The following CFAP92 variants were observed in gnomAD, a reference collection of about 807,000 sequenced individuals.
CFAP92 encodes the protein uncharacterized protein CFAP92.
Under a neutral mutation model 106.3 loss-of-function variants are expected in CFAP92, and 86 were observed. That is an observed-to-expected ratio of 0.81 (90% CI 0.68 to 0.97). The LOEUF (loss-of-function observed/expected upper bound fraction) is 0.97. Ranked by LOEUF, CFAP92 falls within the 50% of genes least tolerant of loss-of-function variation. The pLI, the probability that CFAP92 is intolerant of heterozygous loss-of-function variation, is 0.00. For missense variants in CFAP92, 1,204 were observed against 1,283.8 expected (o/e 0.94, Z 0.95); for synonymous variants, 477 against 506.4 (o/e 0.94, Z 0.78).
At chr3:128,953,518 A>C (rs528666391) in intron 9 of CFAP92, among the ~76,000 whole-genome samples, 1 of 149,388 alleles carries the variant, frequency 6.7e-6, no homozygotes, top group African/African-American at 2.5e-5. Context: ...CTGTCTCAAG[A>C]AAATAAAAAG....
chr3:128,990,617 C>T (rs941308831), intron 2 of CFAP92, among the ~76,000 whole-genome samples: 5 of 152,144 alleles, frequency 3.3e-5, no homozygotes, highest in South Asian at 4.1e-4. Context: ...ATTTATAGGT[C>T]GGGCGTGGTG....
Position 128,916,145 on chromosome 3 carries a change from C to T in CFAP92, c.2878G>A (p.Glu960Lys). The change falls in exon 13 of 16, where the codon GAG (glutamate) becomes AAG (lysine). Residue 960 changes from glutamate (E) to lysine (K), a missense_variant. Glu to Lys is a moderately conservative substitution (Grantham distance 56). Coordinates refer to ENST00000645291, the MANE Select transcript of CFAP92 (RefSeq NM_001394090.1). ...TGATACAGCTCCTTCTTGGCAAGCT[C>T]TGTAGAATTCATGGTCTGGGTACTA... is the stretch of plus-strand genomic sequence containing the variant. ...NYSTQTMNST[E>K]LAKKELYQEI... The T allele has an allele frequency of 1.6e-6, 2 of 1,232,186 alleles. No individual in the cohort carries two copies. The highest frequency in any genetic ancestry group is 4.1e-5 in the South Asian group (1 of 24,312). 76.3% of individuals were successfully genotyped at this position (1,232,186 alleles called of 1,614,324 possible). A position where few individuals can be genotyped will look rare whatever the true frequency, so the allele number is the denominator to read the frequency against.
Position 128,977,077 on chromosome 3 carries a change from T to C in CFAP92, c.809-11A>G. The C allele has an allele frequency of 6.2e-7, 1 of 1,610,424 alleles. No individual in the cohort carries two copies. The highest frequency in any genetic ancestry group is 1.3e-5 in the African/African-American group (1 of 74,928). On this transcript the variant is annotated splice_polypyrimidine_tract_variant and intron_variant, in intron 5 of 15. Coordinates refer to ENST00000645291, the MANE Select transcript of CFAP92 (RefSeq NM_001394090.1). ...CTGCTTGGTGAGAACCTGAAAACAG[T>C]AGCAAATATTTCCAAGCTTTTTGTT...
upstream of CFAP92, among the ~76,000 whole-genome samples, chr3:128,997,512 C>T (rs537606880): frequency 1.3e-3 from 199 of 152,286 alleles, 1 homozygote; most frequent in Non-Finnish European, 1.5e-3. Flanking sequence ...TACTTTGTTT[C>T]TAAAAATTGG....
chr3:128,940,719 C>T (rs144687844), intron 10 of CFAP92, among the ~76,000 whole-genome samples: 2 of 152,224 alleles, frequency 1.3e-5, no homozygotes, highest in East Asian at 3.9e-4. Flanking sequence ...ACCAATACCA[C>T]ACTATCTTAA....
intron 9 of CFAP92, among the ~76,000 whole-genome samples, chr3:128,949,384 A>G (rs1478458623): frequency 1.3e-5 from 2 of 152,254 alleles, no homozygotes; most frequent in East Asian, 3.8e-4. Flanking sequence ...ATGAAAAGGA[A>G]AGAACTACCG....
At chr3:128,997,329 T>C (rs931044009), upstream of CFAP92, among the ~76,000 whole-genome samples, 2 of 152,234 alleles carry the variant, frequency 1.3e-5, no homozygotes, top group African/African-American at 4.8e-5. Context: ...GTATTTTTTA[T>C]TTAATAAAAT....
intron 9 of CFAP92, among the ~76,000 whole-genome samples, chr3:128,951,236 G>GAA (rs367896056): frequency 7.9e-4 from 96 of 121,018 alleles, no homozygotes; most frequent in African/African-American, 1.9e-3. Context: ...CTCCATCTCA[G>GAA]AAAAAAAAAA....
upstream of CFAP92, among the ~76,000 whole-genome samples, chr3:129,005,805 A>G (rs529197887): frequency 2.0e-5 from 3 of 152,390 alleles, no homozygotes; most frequent in East Asian, 5.8e-4. Context: ...CTCCTGCAGC[A>G]TGCAGTGTTT....
At chr3:128,928,298 T>C (rs56000731) in intron 12 of CFAP92, among the ~76,000 whole-genome samples, 20,039 of 152,188 alleles carry the variant, frequency 0.13, 2,102 homozygotes, top group African/African-American at 0.29. Flanking sequence ...CTATAGAATT[T>C]GTTGCAGAAA....
intron 1 of CFAP92, 177 bp from the exon 2 acceptor site, chr3:128,993,513 A>G: frequency 1.6e-6 from 1 of 629,568 alleles, no homozygotes; most frequent in Non-Finnish European, 2.7e-6. Context: ...ATCGACTTAG[A>G]GAATGAATGG....
At chr3:129,023,957 A>C in the CFAP92 span, among the ~76,000 whole-genome samples, 1 of 152,294 alleles carries the variant, frequency 6.6e-6, no homozygotes, top group South Asian at 2.1e-4. Context: ...GAGCAGGTGA[A>C]TAGGTGATAG....
At chr3:128,965,139 C>CCCCCA (rs1187572805) in intron 9 of CFAP92, among the ~76,000 whole-genome samples, 1 of 152,146 alleles carries the variant, frequency 6.6e-6, no homozygotes, top group East Asian at 1.9e-4. Flanking sequence ...TTTGTAATCT[C>CCCCCA]CCCCACCCTT....
At chr3:128,961,449 C>T (rs1329613293) in intron 9 of CFAP92, among the ~76,000 whole-genome samples, 1 of 152,090 alleles carries the variant, frequency 6.6e-6, no homozygotes, top group Non-Finnish European at 1.5e-5. Flanking sequence ...CGCTCCTCCA[C>T]CCTATAATCC....
At chr3:128,956,531 T>C (rs780465218) in intron 9 of CFAP92, among the ~76,000 whole-genome samples, 4 of 151,910 alleles carry the variant, frequency 2.6e-5, no homozygotes, top group Non-Finnish European at 4.4e-5. Flanking sequence ...GTCAAACTTC[T>C]GTAAATTAAT....
upstream of CFAP92, among the ~76,000 whole-genome samples, chr3:129,007,575 G>A (rs570951518): frequency 6.6e-6 from 1 of 152,330 alleles, no homozygotes; most frequent in East Asian, 1.9e-4. Flanking sequence ...CACAGATACT[G>A]ACTCACGCTG....
At chr3:128,921,449 G>A (rs1293159362) in intron 12 of CFAP92, among the ~76,000 whole-genome samples, 2 of 152,232 alleles carry the variant, frequency 1.3e-5, no homozygotes, top group East Asian at 3.9e-4. Context: ...TGACAGGGAA[G>A]GTTCAGTTAG....
At chr3:128,984,315 G>T (rs1295082140) in intron 4 of CFAP92, among the ~76,000 whole-genome samples, 1 of 152,170 alleles carries the variant, frequency 6.6e-6, no homozygotes, top group Admixed American at 6.5e-5. Flanking sequence ...CAGTGGACTG[G>T]GAGAGGCAGA....
chr3:128,989,131 T>C (rs1392722222), intron 2 of CFAP92, among the ~76,000 whole-genome samples: 1 of 152,024 alleles, frequency 6.6e-6, no homozygotes, highest in Non-Finnish European at 1.5e-5. Flanking sequence ...TGCATGGTTT[T>C]CAGAGTGAGT....
Sources: gnomAD v4.1 joint callset for allele counts (sites outside exome capture counted in the v4.1 genomes callset) on GRCh38, gnomAD v4.1.1 for gene constraint, MANE v1.5 for transcripts, NCBI Gene and HGNC (gene_info 2026-07-23, HGNC 2026-07-21) for gene names.